Variants in PRKRIP1 observed in about 807,000 individuals in gnomAD.
PRKRIP1 encodes PRKR-interacting protein 1.
PRKRIP1 carries 29 observed loss-of-function variants against 29.3 expected under a neutral mutation model. The observed-to-expected ratio is 0.99, with a 90% CI of 0.74 to 1.35. PRKRIP1 has a LOEUF of 1.35. Ranked by LOEUF, PRKRIP1 falls within the 40% of genes most tolerant of loss-of-function variation. The pLI is 0.00. For missense variants in PRKRIP1, 247 were observed against 236.8 expected (o/e 1.04, Z -0.28); for synonymous variants, 90 against 85.1 (o/e 1.06, Z -0.32).
chr7:102,412,216 T>C (rs1796406422), intron 5 of PRKRIP1, among the ~76,000 whole-genome samples: 1 of 152,316 alleles, frequency 6.6e-6, no homozygotes, highest in South Asian at 2.1e-4. Context: ...TTGTACATGC[T>C]TTGTACCAAA....
chr7:102,416,828 C>T (rs1317349198), intron 5 of PRKRIP1, among the ~76,000 whole-genome samples: 2 of 151,842 alleles, frequency 1.3e-5, no homozygotes, highest in African/African-American at 2.4e-5. Context: ...TACAGATGCG[C>T]ACCTCCACAC....
intron 5 of PRKRIP1, among the ~76,000 whole-genome samples, chr7:102,414,239 A>AC (rs1282808958): frequency 2.0e-5 from 3 of 151,728 alleles, no homozygotes; most frequent in African/African-American, 7.3e-5. Flanking sequence ...AAAAGAAAGA[A>AC]AAAAAAAGAG....
chr7:102,401,030 G>A (rs34804264), intron 3 of PRKRIP1, among the ~76,000 whole-genome samples: 5,894 of 152,212 alleles, frequency 0.039, 156 homozygotes, highest in Non-Finnish European at 0.056. Flanking sequence ...GGAACTTCCC[G>A]ATGTCTGCAG....
In PRKRIP1 at chr7:102,399,608, A is replaced by T; in HGVS notation, c.266A>T (p.Glu89Val). ...FHVYRHLRRREYQRQDYMDAM... is the reference protein window; with the variant it reads ...FHVYRHLRRRVYQRQDYMDAM... ...GTGTACAGACATCTGCGCCGGAGAG[A>T]ATATCAGCGACAGGACTACATGGAT... Residue 89 changes from glutamate to valine, a missense_variant, in exon 3 of 6, where the codon GAA becomes GTA. Physicochemically the swap from Glu to Val is moderately radical, Grantham distance 121. Transcript: ENST00000397912. 6.2e-7 allele frequency: 1 copy of T among 1,614,144 alleles called. No individual in the cohort carries two copies. Among genetic ancestry groups the T allele is most frequent in the Non-Finnish European group, 8.5e-7 (1 of 1,180,014 alleles).
intron 5 of PRKRIP1, among the ~76,000 whole-genome samples, chr7:102,410,924 G>A (rs954169078): frequency 9.9e-5 from 15 of 152,064 alleles, no homozygotes; most frequent in Non-Finnish European, 2.1e-4. Context: ...TTTGTTTTTT[G>A]TTTTCATTTT....
intron 5 of PRKRIP1, among the ~76,000 whole-genome samples, chr7:102,415,703 T>A (rs1045718622): frequency 1.3e-5 from 2 of 152,232 alleles, no homozygotes; most frequent in African/African-American, 2.4e-5. Flanking sequence ...GTGGTGCTGT[T>A]ATCCCCATTT....
intron 4 of PRKRIP1, among the ~76,000 whole-genome samples, chr7:102,405,041 C>T (rs971956997): frequency 6.6e-6 from 1 of 152,116 alleles, no homozygotes; most frequent in Non-Finnish European, 1.5e-5. Flanking sequence ...ATTCTCCTGC[C>T]TCAGCCTCCT....
intron 4 of PRKRIP1, among the ~76,000 whole-genome samples, chr7:102,406,451 T>C (rs1796224943): frequency 6.6e-6 from 1 of 152,172 alleles, no homozygotes; most frequent in African/African-American, 2.4e-5. Flanking sequence ...TTCAAAATAA[T>C]GATTTTTTTG....
chr7:102,420,335 C>T (rs1368632085), intron 5 of PRKRIP1, among the ~76,000 whole-genome samples: 7 of 152,196 alleles, frequency 4.6e-5, no homozygotes, highest in Non-Finnish European at 8.8e-5. Flanking sequence ...CCATGCTGTA[C>T]TCCCACCAGC....
intron 2 of PRKRIP1, among the ~76,000 whole-genome samples, chr7:102,399,304 G>GC (rs1287216831): frequency 5.3e-5 from 8 of 152,162 alleles, no homozygotes; most frequent in African/African-American, 1.7e-4. Flanking sequence ...ACCACAGTCT[G>GC]CCCCTCCTGA....
chr7:102,421,882 A>G (rs1419292858), intron 5 of PRKRIP1, among the ~76,000 whole-genome samples: 1 of 151,992 alleles, frequency 6.6e-6, no homozygotes, highest in Non-Finnish European at 1.5e-5. Context: ...ACCATTTAGC[A>G]GCCGATCCAG....
intron 5 of PRKRIP1, 51 bp downstream of exon 5, chr7:102,407,549 A>T: frequency 1.5e-6 from 2 of 1,366,662 alleles, no homozygotes; most frequent in Non-Finnish European, 2.1e-6. Flanking sequence ...CTTGTTGGTC[A>T]CAGTGGCTGA....
At position 102,425,473 on chromosome 7, in the gene PRKRIP1, G is replaced by A. The variant is rs1354564289; in HGVS notation, c.*362G>A. On this transcript the variant is annotated 3_prime_UTR_variant, in exon 6 of 6. Coordinates refer to ENST00000397912, the MANE Select transcript of PRKRIP1 (RefSeq NM_024653.4). ...TGCGTTTTGTTGGGACATGTGGACC[G>A]TGAGTCGCAAACACTCTGGAGAAGG... 3 of 314,636 alleles carry A rather than the reference G, an allele frequency of 9.5e-6. No homozygotes were observed. Among genetic ancestry groups the A allele is most frequent in the South Asian group, 2.6e-5 (1 of 38,622 alleles). 19.5% of individuals were successfully genotyped at this position (314,636 alleles called of 1,614,324 possible). A position where few individuals can be genotyped will look rare whatever the true frequency, so the allele number is the denominator to read the frequency against.
intron 3 of PRKRIP1, among the ~76,000 whole-genome samples, chr7:102,402,405 C>T (rs1320076557): frequency 1.3e-5 from 2 of 150,904 alleles, no homozygotes; most frequent in African/African-American, 2.4e-5. Context: ...ACCCTGTACT[C>T]TAGCCTGAGT....
At chr7:102,423,437 C>T in intron 5 of PRKRIP1, 1 of 292,588 alleles carries the variant, frequency 3.4e-6, no homozygotes, top group Non-Finnish European at 6.9e-6. Flanking sequence ...CTGCAGACAA[C>T]ATAGGCAGAG....
Position 102,425,498 on chromosome 7 carries a change from G to T in PRKRIP1, c.*387G>T, listed in dbSNP as rs1796808772. The T allele has an allele frequency of 1.7e-5, 5 of 301,330 alleles. No homozygotes were observed. Among genetic ancestry groups the T allele is most frequent in the South Asian group, 8.1e-5 (3 of 37,260 alleles). 18.7% of individuals were successfully genotyped at this position (301,330 alleles called of 1,614,324 possible). On this transcript the variant is annotated 3_prime_UTR_variant, in exon 6 of 6. Transcript: ENST00000397912. ...GTGAGTCGCAAACACTCTGGAGAAG[G>T]CTGAGATGCCACCATTCCCACGGGG...
chr7:102,409,290 A>G (rs1471155015), intron 5 of PRKRIP1, among the ~76,000 whole-genome samples: 5 of 152,172 alleles, frequency 3.3e-5, no homozygotes, highest in Non-Finnish European at 5.9e-5. Context: ...ACCCTTTCCT[A>G]GAAGAAATTA....
intron 5 of PRKRIP1, among the ~76,000 whole-genome samples, chr7:102,415,322 C>T (rs529249231): frequency 3.3e-5 from 5 of 152,182 alleles, no homozygotes; most frequent in Admixed American, 2.0e-4. Flanking sequence ...CTGCAACCTC[C>T]GCCTCCCAGG....
At position 102,425,342 on chromosome 7, in the gene PRKRIP1, G is replaced by T; in HGVS notation, c.*231G>T. ...CTTGCAGACACCATCCGTGCTCCTG[G>T]TAAAGGGGGACAGAGAGCCTCACCT... is the stretch of plus-strand genomic sequence containing the variant. On this transcript the variant is annotated 3_prime_UTR_variant, in exon 6 of 6. Coordinates refer to ENST00000397912, the MANE Select transcript of PRKRIP1 (RefSeq NM_024653.4). The T allele has an allele frequency of 2.6e-6, 2 of 763,144 alleles. No homozygotes were observed. Among genetic ancestry groups the T allele is most frequent in the South Asian group, 1.7e-5 (1 of 60,418 alleles). 47.3% of individuals were successfully genotyped at this position (763,144 alleles called of 1,614,324 possible).
Sources: gnomAD v4.1 joint callset for allele counts (sites outside exome capture counted in the v4.1 genomes callset) on GRCh38, gnomAD v4.1.1 for gene constraint, MANE v1.5 for transcripts, NCBI Gene and HGNC (gene_info 2026-07-23, HGNC 2026-07-21) for gene names.